Variants in GALNT7 observed in about 807,000 individuals in gnomAD.
GALNT7 encodes polypeptide N-acetylgalactosaminyltransferase 7, also known as N-acetylgalactosaminyltransferase 7.
In GALNT7, 60 loss-of-function variants were observed where a neutral mutation model predicts 82.1. The ratio of observed to expected loss-of-function variants is 0.73; its 90% CI spans 0.59 to 0.91. The LOEUF (loss-of-function observed/expected upper bound fraction) is 0.91. GALNT7 is among the 40% of genes least tolerant of loss of function. GALNT7 has a pLI of 0.00. For missense variants in GALNT7, 660 were observed against 804.2 expected, an observed-to-expected ratio of 0.82 and a Z score of 2.17; for synonymous variants, 243 against 275.1, an observed-to-expected ratio of 0.88 and a Z score of 1.15.
intron 11 of GALNT7, 33 bp downstream of exon 11, chr4:173,318,592 T>C: frequency 1.5e-6 from 2 of 1,359,704 alleles, no homozygotes; most frequent in Non-Finnish European, 2.1e-6. Flanking sequence ...AAATATTATA[T>C]GCTTTTCATT....
chr4:173,235,556 C>T (rs961476704), intron 1 of GALNT7, among the ~76,000 whole-genome samples: 1 of 140,796 alleles, frequency 7.1e-6, no homozygotes, highest in Non-Finnish European at 1.5e-5. Flanking sequence ...CTTTTCTTTT[C>T]TTTTTTTTTT....
At chr4:173,216,723 A>ATTTTTTTTTTT (rs1561157857) in intron 1 of GALNT7, among the ~76,000 whole-genome samples, 4 of 8,464 alleles carry the variant, frequency 4.7e-4, no homozygotes, top group African/African-American at 7.1e-4. Flanking sequence ...ATATATATAT[A>ATTTTTTTTTTT]TATATTTTTT....
intron 1 of GALNT7, among the ~76,000 whole-genome samples, chr4:173,203,030 CA>C (rs1467972211): frequency 3.8e-5 from 5 of 132,082 alleles, no homozygotes; most frequent in Non-Finnish European, 6.5e-5. Flanking sequence ...TTTTTTTTTT[CA>C]TTTCTTTACT....
chr4:173,306,749 T>C (rs1210636836), intron 8 of GALNT7, among the ~76,000 whole-genome samples: 1 of 152,244 alleles, frequency 6.6e-6, no homozygotes, highest in African/African-American at 2.4e-5. Context: ...CTGTGTTTGA[T>C]TGAAGGTAAC....
chr4:173,306,595 A>G (rs918781068), intron 8 of GALNT7, among the ~76,000 whole-genome samples: 19 of 152,202 alleles, frequency 1.2e-4, no homozygotes, highest in African/African-American at 4.1e-4. Context: ...CCTTTTTCAC[A>G]TCTATTGAGA....
intron 1 of GALNT7, among the ~76,000 whole-genome samples, chr4:173,183,312 G>C (rs1732330758): frequency 6.6e-6 from 1 of 150,690 alleles, no homozygotes; most frequent in Non-Finnish European, 1.5e-5. Flanking sequence ...TGCATTAATA[G>C]GCTGTTATAT....
In GALNT7 at chr4:173,292,115, T is replaced by C; in HGVS notation, c.595T>C (p.Tyr199His). Residue 199 changes from tyrosine (Y) to histidine (H), a missense_variant, in exon 3 of 12, where the codon TAT (tyrosine) becomes CAT (histidine). Physicochemically the swap from Tyr to His is moderately conservative, Grantham distance 83. This residue lies in a region of GALNT7 where 527 missense variants were observed against 683.5 expected (regional missense o/e 0.77). Coordinates refer to ENST00000265000, the MANE Select transcript of GALNT7 (RefSeq NM_017423.3). This position sits in a 1 kb window ranked among gnomAD's most constrained non-coding sequence, Gnocchi z 4.8. ...GAAATTTTCTCTTTACAGATGCAAGTATTGGCATTATGATGAAAACTTGCT... is the reference window on the plus strand; with the variant it reads ...GAAATTTTCTCTTTACAGATGCAAGCATTGGCATTATGATGAAAACTTGCT... ...VNDLRQEECK[Y>H]WHYDENLLTS... 1 of 1,604,690 alleles carries C rather than the reference T, an allele frequency of 6.2e-7. No homozygotes were observed.
At chr4:173,176,075 A>G (rs1356480360) in intron 1 of GALNT7, among the ~76,000 whole-genome samples, 1 of 152,116 alleles carries the variant, frequency 6.6e-6, no homozygotes, top group African/African-American at 2.4e-5. Context: ...TCCATCTCAA[A>G]AAAAAAAAAT....
At position 173,178,053 on chromosome 4, in the gene GALNT7, GCGCGCA is replaced by G. The variant is rs376020182; in HGVS notation, c.126+9098_126+9103del. Among the ~76,000 whole-genome samples, 701 of 92,510 alleles carry G rather than the reference GCGCGCA, an allele frequency of 7.6e-3. 3 individuals carry two copies. Among genetic ancestry groups the G allele is most frequent in the African/African-American group, 0.032 (667 of 20,866 alleles). 60.7% of individuals were successfully genotyped at this position (92,510 alleles called of 152,430 possible). A position where few individuals can be genotyped will look rare whatever the true frequency, so the allele number is the denominator to read the frequency against. On this transcript the variant is annotated intron_variant, in intron 1 of 11. Coordinates refer to ENST00000265000, the MANE Select transcript of GALNT7 (RefSeq NM_017423.3). ...TGTGTGTGTGTGTGTGTGTGTGTGT[GCGCGCA>G]CGCGCGTGCGCACAGACACCTATGT...
At chr4:173,270,955 A>G (rs1368965239) in intron 2 of GALNT7, among the ~76,000 whole-genome samples, 1 of 152,254 alleles carries the variant, frequency 6.6e-6, no homozygotes, top group Non-Finnish European at 1.5e-5. Context: ...TGGAATAACC[A>G]GCTGATATCA....
At chr4:173,178,007 C>CTGTGTGTGTGTG (rs70944437) in intron 1 of GALNT7, among the ~76,000 whole-genome samples, 10 of 137,770 alleles carry the variant, frequency 7.3e-5, no homozygotes, top group African/African-American at 2.8e-4. Context: ...ATCCGCAAGT[C>CTGTGTGTGTGTG]TGTGTGTGTG....
At chr4:173,195,293 G>A (rs1047958705) in intron 1 of GALNT7, among the ~76,000 whole-genome samples, 14 of 152,012 alleles carry the variant, frequency 9.2e-5, no homozygotes, top group Admixed American at 7.9e-4. Flanking sequence ...ACCTATAAAC[G>A]CAGGAAGAAC....
At chr4:173,179,327 T>C (rs1338103905) in intron 1 of GALNT7, among the ~76,000 whole-genome samples, 2 of 152,220 alleles carry the variant, frequency 1.3e-5, no homozygotes, top group African/African-American at 4.8e-5. Context: ...ATAATTCTCC[T>C]TTAACTTTTA....
chr4:173,269,834 G>A (rs976045683), intron 2 of GALNT7, among the ~76,000 whole-genome samples: 62 of 152,226 alleles, frequency 4.1e-4, no homozygotes, highest in African/African-American at 1.4e-3. Context: ...AACTCCGATA[G>A]ACCACGGCCA....
chr4:173,224,899 C>T (rs1733768221), intron 1 of GALNT7, among the ~76,000 whole-genome samples: 1 of 151,704 alleles, frequency 6.6e-6, no homozygotes, highest in African/African-American at 2.4e-5. Context: ...CCTGTAGTCC[C>T]AGCTACTCGG....
rs780281765 is a variant in GALNT7 at position 173,248,434 on chromosome 4, A to G, written c.581A>G (p.Gln194Arg). The part of the protein sequence containing the change: ...SLDRSVNDLR[Q>R]EECKYWHYDE... ...GACCGCAGCGTCAATGACTTACGCC[A>G]AGAAGAGTAAGCACACATCCTCTTC... Residue 194 changes from glutamine to arginine, a missense_variant, in exon 2 of 12, where the codon CAA (glutamine) becomes CGA (arginine). Physicochemically the swap from Gln to Arg is conservative, Grantham distance 43. Around this residue, in one of 2 missense-constraint regions of GALNT7, gnomAD observed 527 missense variants for 683.5 expected, o/e 0.77. Coordinates refer to ENST00000265000, the MANE Select transcript of GALNT7 (RefSeq NM_017423.3). The G allele has an allele frequency of 6.9e-6, 11 of 1,590,996 alleles. No individual in the cohort carries two copies. Among genetic ancestry groups the G allele is most frequent in the Non-Finnish European group, 9.5e-6 (11 of 1,163,680 alleles).
chr4:173,307,408 A>G (rs1017440687), intron 8 of GALNT7, among the ~76,000 whole-genome samples: 1 of 152,256 alleles, frequency 6.6e-6, no homozygotes, highest in East Asian at 1.9e-4. Flanking sequence ...TGAAGTAGCC[A>G]AGAATGGGAG....
At chr4:173,184,162 C>T (rs967665316) in intron 1 of GALNT7, among the ~76,000 whole-genome samples, 3 of 151,892 alleles carry the variant, frequency 2.0e-5, no homozygotes, top group Admixed American at 1.3e-4. Context: ...CGATGGGCGG[C>T]CAGGCAGAGA....
intron 2 of GALNT7, among the ~76,000 whole-genome samples, chr4:173,269,143 TCAGA>T (rs1735625382): frequency 6.6e-6 from 1 of 152,180 alleles, no homozygotes; most frequent in Non-Finnish European, 1.5e-5. Flanking sequence ...ATAGGGGCAC[TCAGA>T]CAACAGAGGC....
Sources: gnomAD v4.1 joint callset for allele counts (sites outside exome capture counted in the v4.1 genomes callset) on GRCh38, gnomAD v4.1.1 for gene constraint, gnomAD v4.1.1 regional missense constraint, Gnocchi (gnomAD v3.1) non-coding constraint, MANE v1.5 for transcripts, NCBI Gene and HGNC (gene_info 2026-07-23, HGNC 2026-07-21) for gene names.